SCARF1: variants seen among roughly 807,000 people sequenced by gnomAD.
The protein encoded by SCARF1 is acetyl LDL receptor.
Under a neutral mutation model 76.3 loss-of-function variants are expected in SCARF1, and 49 were observed. That is an observed-to-expected ratio of 0.64 (90% CI 0.51 to 0.81). SCARF1 has a LOEUF of 0.81. Ranked by LOEUF, SCARF1 falls within the 40% of genes least tolerant of loss-of-function variation. The probability of loss-of-function intolerance (pLI) is 0.00; values close to 1 mark genes in which losing one functional copy is unlikely to be tolerated. For missense variants in SCARF1, 1,098 were observed against 1,143.9 expected (o/e 0.96, Z 0.58); for synonymous variants, 495 against 474.6 (o/e 1.04, Z -0.56).
chr17:1,643,530 CG>C lies in SCARF1; in HGVS notation c.702del (p.Gly235AlafsTer132), dbSNP rs1027392154. 2 of 1,403,284 alleles carry C rather than the reference CG, an allele frequency of 1.4e-6. No individual in the cohort carries two copies. Among genetic ancestry groups the C allele is most frequent in the Non-Finnish European group, 1.8e-6 (2 of 1,081,690 alleles). 86.9% of individuals were successfully genotyped at this position (1,403,284 alleles called of 1,614,324 possible). A position where few individuals can be genotyped will look rare whatever the true frequency, so the allele number is the denominator to read the frequency against. ...AAGCCGGGCGGGCAGGTGCACTCGC[CG>C]GAGGCGGCGCTGCAGCGGCCCCGCA... ...ECVRGRCSAA[S>X]GECTCPPGFR... On this transcript the variant is annotated frameshift_variant, in exon 4 of 11. Coordinates refer to ENST00000263071, the MANE Select transcript of SCARF1 (RefSeq NM_003693.4). LOFTEE classifies it high-confidence loss of function.
In SCARF1 at chr17:1,635,530, A is replaced by G. The variant is rs1484439791; in HGVS notation, c.1721T>C (p.Phe574Ser). 4 of 1,613,456 alleles carry G rather than the reference A, an allele frequency of 2.5e-6. No individual in the cohort carries two copies. The highest frequency in any genetic ancestry group is 3.4e-6 in the Non-Finnish European group (4 of 1,179,992). The change falls in exon 11 of 11, where the codon TTC becomes TCC. Residue 574 changes from phenylalanine to serine, a missense_variant. By Grantham distance (155) the Phe-to-Ser change is radical. Coordinates refer to ENST00000263071, the MANE Select transcript of SCARF1 (RefSeq NM_003693.4). ...TAGGCTGGAGGTGCGCGGGATGGCG[A>G]ATGGCGTGGAGGCGTCCTCAGGGGG... ...FPPPEDASTP[F>S]AIPRTSSLAR...
Position 1,643,862 on chromosome 17 carries a change from C to T in SCARF1, c.371G>A (p.Arg124His), listed in dbSNP as rs1263089325. Residue 124 changes from arginine to histidine, a missense_variant, in exon 4 of 11, where the codon CGC (arginine) becomes CAC (histidine). Transcript: ENST00000263071. ...ATGACQCQAD[R>H]WGARCEFPCA... ...CGGGAACTCGCAGCGGGCTCCCCAG[C>T]GGTCGGCCTGGCACTGGCACGCGCC... The T allele has an allele frequency of 3.9e-6, 5 of 1,280,136 alleles. No homozygotes were observed. The highest frequency in any genetic ancestry group is 1.5e-5 in the African/African-American group (1 of 64,530). The allele number at this position is 1,280,136 out of a possible 1,614,324, so 79.3% of individuals were successfully genotyped here. A position where few individuals can be genotyped will look rare whatever the true frequency, so the allele number is the denominator to read the frequency against.
chr17:1,638,948 G>A (rs978374775), intron 7 of SCARF1, 22 bp from the exon 8 acceptor site: 3 of 1,569,966 alleles, frequency 1.9e-6, no homozygotes, highest in Admixed American at 3.5e-5. Flanking sequence ...AGAAACGGGG[G>A]ATATTCAGGC....
rs776379332 is a variant in SCARF1, at chr17:1,644,798, T to G, written c.265+36A>C. The stretch of plus-strand genomic sequence containing the variant: ...CCACACCACTGCCCCCGTACCCAGC[T>G]CTGCCCAGCAACTTCATCTGGCCCT... On this transcript the variant is annotated intron_variant, in intron 3 of 10. Coordinates refer to ENST00000263071, the MANE Select transcript of SCARF1 (RefSeq NM_003693.4). The surrounding 1 kb of genome is among the most constrained non-coding windows in gnomAD (Gnocchi z 4.8). 1 of 1,589,864 alleles carries G rather than the reference T, an allele frequency of 6.3e-7. No homozygotes were observed. The highest frequency in any genetic ancestry group is 8.6e-7 in the Non-Finnish European group (1 of 1,167,312).
chr17:1,645,017 T>A lies in SCARF1; in HGVS notation c.164-82A>T. ...GCCCTCTCACTGGCTCCAGGGGCCA[T>A]GCCTCCTCAAGAGGTGCCCCTTCAG... On this transcript the variant is annotated intron_variant, in intron 2 of 10. Coordinates refer to ENST00000263071, the MANE Select transcript of SCARF1 (RefSeq NM_003693.4). This position sits in a 1 kb window ranked among gnomAD's most constrained non-coding sequence, Gnocchi z 6.3. 6.5e-7 allele frequency: 1 copy of A among 1,541,610 alleles called. No homozygotes were observed. Among genetic ancestry groups the A allele is most frequent in the Non-Finnish European group, 8.9e-7 (1 of 1,127,806 alleles).
Position 1,644,978 on chromosome 17 carries a change from CA to C in SCARF1, c.164-44del. The C allele has an allele frequency of 6.3e-7, 1 of 1,595,504 alleles. No individual in the cohort carries two copies. Among genetic ancestry groups the C allele is most frequent in the South Asian group, 1.1e-5 (1 of 89,482 alleles). ...CAGGTTGGAAAGACGGGAGCAGGACCAGGGGACACCCCTGCCCTCTCACTGG... is the reference window on the plus strand; with the variant it reads ...CAGGTTGGAAAGACGGGAGCAGGACCGGGGACACCCCTGCCCTCTCACTGG... On this transcript the variant is annotated intron_variant, in intron 2 of 10. Transcript: ENST00000263071. This position sits in a 1 kb window ranked among gnomAD's most constrained non-coding sequence, Gnocchi z 4.8.
In SCARF1 at chr17:1,635,323, G is replaced by T. The variant is rs772880874; in HGVS notation, c.1928C>A (p.Ala643Asp). 1 of 1,612,620 alleles carries T rather than the reference G, an allele frequency of 6.2e-7. No individual in the cohort carries two copies. Among genetic ancestry groups the T allele is most frequent in the East Asian group, 2.2e-5 (1 of 44,864 alleles). The change falls in exon 11 of 11, where the codon GCC (alanine) becomes GAC (aspartate). Residue 643 changes from alanine to aspartate, a missense_variant. By Grantham distance (126) the Ala-to-Asp change is moderately radical. Coordinates refer to ENST00000263071, the MANE Select transcript of SCARF1 (RefSeq NM_003693.4). Reference protein sequence around the residue: ...EESTGPEEAEAPESFPAAASP... With the variant: ...EESTGPEEAEDPESFPAAASP... Reference sequence around the variant, plus strand: ...GGCAGCCGCCGGAAAGGACTCGGGGGCTTCTGCTTCCTCTGGGCCTGTGGA... The same window carrying T: ...GGCAGCCGCCGGAAAGGACTCGGGGTCTTCTGCTTCCTCTGGGCCTGTGGA...
chr17:1,645,462 CCCTT>C lies in SCARF1; in HGVS notation c.101+131_101+134del. 2 of 1,522,990 alleles carry C rather than the reference CCCTT, an allele frequency of 1.3e-6. No individual in the cohort carries two copies. The highest frequency in any genetic ancestry group is 1.8e-6 in the Non-Finnish European group (2 of 1,140,558). The allele number at this position is 1,522,990 out of a possible 1,614,324, so 94.3% of individuals were successfully genotyped here. On this transcript the variant is annotated intron_variant, in intron 1 of 10. Coordinates refer to ENST00000263071, the MANE Select transcript of SCARF1 (RefSeq NM_003693.4). This position sits in a 1 kb window ranked among gnomAD's most constrained non-coding sequence, Gnocchi z 6.3. ...TACCTGCCAGACCGCCATCAGCAGT[CCCTT>C]CCTTTCAGCCTAAGCCCCCTTCCTA...
Position 1,635,092 on chromosome 17 carries a change from G to A in SCARF1, c.2159C>T (p.Ala720Val), listed in dbSNP as rs144425748. Reference sequence around the variant, plus strand: ...GATGGCCCTCTTGACCTTGGCTTCCGCCTGGCCTTTCTGGAAGCTACCAAA... The same window carrying A: ...GATGGCCCTCTTGACCTTGGCTTCCACCTGGCCTTTCTGGAAGCTACCAAA... ...RHFGSFQKGQ[A>V]EAKVKRAIPK... The change falls in exon 11 of 11, where the codon GCG becomes GTG. Residue 720 changes from alanine (A) to valine (V), a missense_variant. Physicochemically the swap from Ala to Val is moderately conservative, Grantham distance 64. Coordinates refer to ENST00000263071, the MANE Select transcript of SCARF1 (RefSeq NM_003693.4). The A allele has an allele frequency of 2.5e-3, 4,055 of 1,613,874 alleles. 8 individuals carry two copies. The highest frequency in any genetic ancestry group is 3.1e-3 in the Non-Finnish European group (3,649 of 1,180,006).
At chr17:1,635,766 A>G in intron 10 of SCARF1, 149 bp from the exon 11 acceptor site, 1 of 863,330 alleles carries the variant, frequency 1.2e-6, no homozygotes, top group South Asian at 1.9e-5. Context: ...CAATTCAGGT[A>G]GACACTGTTA....
intron 4 of SCARF1, among the ~76,000 whole-genome samples, chr17:1,642,536 A>G (rs1910141276): frequency 6.6e-6 from 1 of 151,994 alleles, no homozygotes; most frequent in Non-Finnish European, 1.5e-5. Flanking sequence ...ATGGCTGCAT[A>G]GTATTCCATG....
At chr17:1,636,653 A>G in intron 10 of SCARF1, 56 bp downstream of exon 10, 1 of 1,574,278 alleles carries the variant, frequency 6.4e-7, no homozygotes, top group Non-Finnish European at 8.7e-7. Flanking sequence ...AGGACTAAAG[A>G]GGGGGTCGTG....
chr17:1,643,480 G>A lies in SCARF1; in HGVS notation c.753C>T (p.Pro251=). The change falls in exon 4 of 11, where the codon CCC becomes CCT. Residue 251 remains proline, a synonymous_variant. Transcript: ENST00000263071. ...PGFRGARCEL[P]CPAGSHGVQC... Reference sequence around the variant, plus strand: ...GCACCCCGTGGCTGCCTGCCGGGCAGGGCAGCTCGCAGCGCGCTCCGCGGA... The same window carrying A: ...GCACCCCGTGGCTGCCTGCCGGGCAAGGCAGCTCGCAGCGCGCTCCGCGGA... 7.5e-7 allele frequency: 1 copy of A among 1,327,358 alleles called. No individual in the cohort carries two copies. Among genetic ancestry groups the A allele is most frequent in the East Asian group, 3.2e-5 (1 of 31,632 alleles). 82.2% of individuals were successfully genotyped at this position (1,327,358 alleles called of 1,614,324 possible). A position where few individuals can be genotyped will look rare whatever the true frequency, so the allele number is the denominator to read the frequency against.
chr17:1,636,953 G>A lies in SCARF1; in HGVS notation c.1474C>T (p.Pro492Ser). 2 of 1,614,086 alleles carry A rather than the reference G, an allele frequency of 1.2e-6. No homozygotes were observed. The highest frequency in any genetic ancestry group is 3.3e-4 in the Middle Eastern group (2 of 6,060). The change falls in exon 9 of 11, where the codon CCC becomes TCC. Residue 492 changes from proline to serine, a missense_variant. Physicochemically the swap from Pro to Ser is moderately conservative, Grantham distance 74 (BLOSUM62 -1). Transcript: ENST00000263071. Reference protein sequence around the residue: ...PCRSLSSHKLPWVTVSHHDPE... With the variant: ...PCRSLSSHKLSWVTVSHHDPE... The stretch of plus-strand genomic sequence containing the variant: ...AGCGCCCACTGACCTGTCACCCAGG[G>A]TAGCTTGTGGGAGCTGAGGGAACGG...
chr17:1,637,309 C>T (rs540392002), intron 8 of SCARF1, among the ~76,000 whole-genome samples: 24 of 152,012 alleles, frequency 1.6e-4, no homozygotes, highest in African/African-American at 4.8e-4. Context: ...CCTCAGTTTC[C>T]GCATCTGTAA....
At position 1,644,873 on chromosome 17, in the gene SCARF1, G is replaced by C; in HGVS notation, c.226C>G (p.Arg76Gly). Residue 76 changes from arginine to glycine, a missense_variant, in exon 3 of 11, where the codon CGA becomes GGA. Coordinates refer to ENST00000263071, the MANE Select transcript of SCARF1 (RefSeq NM_003693.4). This position sits in a 1 kb window ranked among gnomAD's most constrained non-coding sequence, Gnocchi z 4.8. ...GCCCCAAAGAATCCAGGCTTGCATC[G>C]ACAGAGGCCCGGCTTCACACACACC... ...DEVCVKPGLC[R>G]CKPGFFGAHC... The C allele has an allele frequency of 6.2e-7, 1 of 1,613,490 alleles. No homozygotes were observed. The highest frequency in any genetic ancestry group is 8.5e-7 in the Non-Finnish European group (1 of 1,179,950).
intron 10 of SCARF1, among the ~76,000 whole-genome samples, 178 bp from the exon 11 acceptor site, chr17:1,635,795 T>TTTG (rs1909511362): frequency 6.6e-6 from 1 of 151,770 alleles, no homozygotes; most frequent in Non-Finnish European, 1.5e-5. Flanking sequence ...CTTTTTTTTT[T>TTTG]TTTAATTGTA....
rs1383626835 is a variant in SCARF1, at chr17:1,644,951, C to A, written c.164-16G>T. The A allele has an allele frequency of 2.5e-6, 4 of 1,610,904 alleles. 1 individual carries two copies. The highest frequency in any genetic ancestry group is 2.2e-5 in the South Asian group (2 of 90,706). ...TCACAGATGGCTGAAAGACACCCCA[C>A]CCAGGTTGGAAAGACGGGAGCAGGA... On this transcript the variant is annotated splice_polypyrimidine_tract_variant and intron_variant, in intron 2 of 10. Transcript: ENST00000263071. The surrounding 1 kb of genome is among the most constrained non-coding windows in gnomAD (Gnocchi z 4.8).
Position 1,643,854 on chromosome 17 carries a change from C to T in SCARF1, c.379G>A (p.Ala127Thr). The T allele has an allele frequency of 1.2e-5, 15 of 1,274,740 alleles. No homozygotes were observed. Among genetic ancestry groups the T allele is most frequent in the Non-Finnish European group, 1.4e-5 (14 of 1,014,176 alleles). 79.0% of individuals were successfully genotyped at this position (1,274,740 alleles called of 1,614,324 possible). A position where few individuals can be genotyped will look rare whatever the true frequency, so the allele number is the denominator to read the frequency against. ...ACQCQADRWG[A>T]RCEFPCACGP... ...CAGGCGCACGGGAACTCGCAGCGGG[C>T]TCCCCAGCGGTCGGCCTGGCACTGG... Residue 127 changes from alanine (A) to threonine (T), a missense_variant, in exon 4 of 11, where the codon GCC becomes ACC. Physicochemically the swap from Ala to Thr is moderately conservative, Grantham distance 58. Coordinates refer to ENST00000263071, the MANE Select transcript of SCARF1 (RefSeq NM_003693.4).
Sources: allele counts gnomAD v4.1 joint callset (sites outside exome capture counted in the v4.1 genomes callset), GRCh38; gene constraint gnomAD v4.1.1; non-coding constraint Gnocchi (gnomAD v3.1); transcripts MANE v1.5; gene names NCBI Gene and HGNC (gene_info 2026-07-23, HGNC 2026-07-21).